Variants in PGAP1 observed in about 807,000 individuals in gnomAD.
PGAP1 encodes the protein GPI inositol-deacylase.
In PGAP1, 76 loss-of-function variants were observed where a neutral mutation model predicts 127.0. That is an observed-to-expected ratio of 0.60 (90% CI 0.50 to 0.72). The LOEUF (loss-of-function observed/expected upper bound fraction) is 0.72. Among genes scored for constraint, PGAP1 ranks in the 30% least tolerant of loss-of-function variants. The probability of loss-of-function intolerance (pLI) is 0.00; values close to 1 mark genes in which losing one functional copy is unlikely to be tolerated. For synonymous variants in PGAP1, 362 were observed against 366.5 expected, an observed-to-expected ratio of 0.99 and a Z score of 0.14; for missense variants, 982 against 1,071.3, an observed-to-expected ratio of 0.92 and a Z score of 1.16.
intron 4 of PGAP1, among the ~76,000 whole-genome samples, chr2:196,911,802 T>C (rs1376659078): frequency 1.3e-5 from 2 of 152,192 alleles, no homozygotes; most frequent in Admixed American, 1.3e-4. Flanking sequence ...TTAATTCTTA[T>C]TCTGTGACGT....
At chr2:196,904,321 C>T (rs955936991) in intron 4 of PGAP1, among the ~76,000 whole-genome samples, 1 of 152,170 alleles carries the variant, frequency 6.6e-6, no homozygotes, top group African/African-American at 2.4e-5. Flanking sequence ...TCTGTACTTT[C>T]AGCAGCGCTA....
intron 20 of PGAP1, among the ~76,000 whole-genome samples, chr2:196,864,308 T>C (rs530787611): frequency 2.2e-5 from 3 of 136,096 alleles, no homozygotes; most frequent in East Asian, 4.2e-4. Flanking sequence ...TAGAATCACA[T>C]GAACCAGGGA....
intron 13 of PGAP1, among the ~76,000 whole-genome samples, chr2:196,878,494 C>A (rs1701631998): frequency 6.6e-6 from 1 of 152,112 alleles, no homozygotes; most frequent in Admixed American, 6.6e-5. Flanking sequence ...CCCCACCTGT[C>A]AGAAAGTTTT....
At chr2:196,915,597 T>C (rs1206590365) in intron 3 of PGAP1, among the ~76,000 whole-genome samples, 1 of 152,170 alleles carries the variant, frequency 6.6e-6, no homozygotes, top group African/African-American at 2.4e-5. Context: ...CACTTTGCCC[T>C]TCCATATCTG....
rs1700198973 is a variant in PGAP1, at chr2:196,834,941, T to A, written c.*6293A>T. Reference sequence around the variant, plus strand: ...ACTAAATCAAGGCCAGAGATTTCGATATTTGGCTTTCTGTCCTGCCTCCTT... The same window carrying A: ...ACTAAATCAAGGCCAGAGATTTCGAAATTTGGCTTTCTGTCCTGCCTCCTT... On this transcript the variant is annotated 3_prime_UTR_variant, in exon 27 of 27. Transcript: ENST00000354764. The A allele has an allele frequency of 1.3e-5, 2 of 152,018 alleles. No individual in the cohort carries two copies. Among genetic ancestry groups the A allele is most frequent in the Non-Finnish European group, 2.9e-5 (2 of 67,874 alleles). 9.4% of individuals were successfully genotyped at this position (152,018 alleles called of 1,614,324 possible). A position where few individuals can be genotyped will look rare whatever the true frequency, so the allele number is the denominator to read the frequency against.
intron 20 of PGAP1, among the ~76,000 whole-genome samples, chr2:196,860,145 G>GT (rs375283807): frequency 2.3e-4 from 34 of 150,656 alleles, no homozygotes; most frequent in East Asian, 1.5e-3. Context: ...TGTTAGAATT[G>GT]TTTTTTTTTG....
At position 196,919,389 on chromosome 2, in the gene PGAP1, T is replaced by G. The variant is rs138622482; in HGVS notation, c.301+608A>C. On this transcript the variant is annotated intron_variant, in intron 2 of 26. Transcript: ENST00000354764. ...TTGAAACAATTCTAGTCTCATTACATAACAATTCTAGTCCATCAAATAACA... is the reference window on the plus strand; with the variant it reads ...TTGAAACAATTCTAGTCTCATTACAGAACAATTCTAGTCCATCAAATAACA... 1.1e-3 allele frequency among the ~76,000 whole-genome samples: 164 copies of G among 152,314 alleles called. No homozygotes were observed. The East Asian group carries it at 0.019, about 18-fold the overall frequency.
intron 20 of PGAP1, among the ~76,000 whole-genome samples, chr2:196,851,357 C>T (rs77835181): frequency 0.038 from 5,813 of 152,232 alleles, 156 homozygotes; most frequent in Middle Eastern, 0.065. Context: ...CCAGCAACTA[C>T]TTGTCCAACC....
intron 19 of PGAP1, among the ~76,000 whole-genome samples, chr2:196,865,612 G>A (rs1309504007): frequency 1.3e-5 from 2 of 152,100 alleles, no homozygotes; most frequent in East Asian, 1.9e-4. Flanking sequence ...ATTTGTGTAA[G>A]GCATTCAGAA....
chr2:196,846,467 A>T (rs1362035064), intron 22 of PGAP1, among the ~76,000 whole-genome samples: 1 of 152,156 alleles, frequency 6.6e-6, no homozygotes, highest in Non-Finnish European at 1.5e-5. Flanking sequence ...CCTCTGTGAC[A>T]GGAAATCACA....
Position 196,838,395 on chromosome 2 carries a change from CTG to C in PGAP1, c.*2837_*2838del, listed in dbSNP as rs1178643138. On this transcript the variant is annotated 3_prime_UTR_variant, in exon 27 of 27. Transcript: ENST00000354764. ...ATATAGATTGTGGGCATGATGAAAA[CTG>C]TGTAATTTAAAGGCAAAGAACTTTC... 6.6e-6 allele frequency: 1 copy of C among 152,128 alleles called. No homozygotes were observed. The highest frequency in any genetic ancestry group is 1.5e-5 in the Non-Finnish European group (1 of 68,024). The allele number at this position is 152,128 out of a possible 1,614,324, so 9.4% of individuals were successfully genotyped here. A position where few individuals can be genotyped will look rare whatever the true frequency, so the allele number is the denominator to read the frequency against.
chr2:196,881,213 T>C (rs1254513958), intron 12 of PGAP1, among the ~76,000 whole-genome samples: 1 of 152,236 alleles, frequency 6.6e-6, no homozygotes. Context: ...TTCTTTTTTA[T>C]GGCTGCATAG....
intron 20 of PGAP1, among the ~76,000 whole-genome samples, chr2:196,853,380 T>A (rs1415925429): frequency 6.6e-6 from 1 of 152,262 alleles, no homozygotes; most frequent in Non-Finnish European, 1.5e-5. Flanking sequence ...ACATCTCAAT[T>A]GTTCCATGTA....
intron 12 of PGAP1, 124 bp from the exon 13 acceptor site, chr2:196,880,277 T>C: frequency 1.7e-6 from 1 of 580,364 alleles, no homozygotes; most frequent in South Asian, 2.2e-5. Context: ...CAATTTATGT[T>C]CAGTACTTCA....
chr2:196,879,515 C>CA (rs1576143537), intron 13 of PGAP1, among the ~76,000 whole-genome samples: 1 of 152,098 alleles, frequency 6.6e-6, no homozygotes, highest in East Asian at 1.9e-4. Context: ...GCCAGCATGG[C>CA]AAAATCCCAT....
intron 2 of PGAP1, among the ~76,000 whole-genome samples, chr2:196,917,584 T>C (rs1576202675): frequency 6.6e-6 from 1 of 152,196 alleles, no homozygotes; most frequent in African/African-American, 2.4e-5. Context: ...ATTTTGGATA[T>C]CTCATATAAT....
Position 196,852,038 on chromosome 2 carries a change from C to T in PGAP1, c.1862-4001G>A, listed in dbSNP as rs181924179. On this transcript the variant is annotated intron_variant, in intron 20 of 26. Transcript: ENST00000354764. ...AAATTTTGTTCCACAGCCTTAATTA[C>T]ATATAGGGGCCCAATTTTGTCAGAA... Among the ~76,000 whole-genome samples, 505 of 152,264 alleles carry T rather than the reference C, an allele frequency of 3.3e-3. 1 individual carries two copies. The highest frequency in any genetic ancestry group is 0.014 in the Middle Eastern group (4 of 294).
intron 1 of PGAP1, chr2:196,922,615 CA>C: frequency 1.4e-6 from 1 of 714,188 alleles, no homozygotes; most frequent in Non-Finnish European, 1.7e-6. Context: ...CACACACACA[CA>C]ACAAAGCTTA....
At chr2:196,867,771 A>G (rs547159494) in intron 19 of PGAP1, among the ~76,000 whole-genome samples, 9 of 152,206 alleles carry the variant, frequency 5.9e-5, no homozygotes, top group Admixed American at 4.6e-4. Flanking sequence ...CAAGCTTACT[A>G]TAAAAGTTGC....
Sources: gnomAD v4.1 joint callset for allele counts (sites outside exome capture counted in the v4.1 genomes callset) on GRCh38, gnomAD v4.1.1 for gene constraint, MANE v1.5 for transcripts, NCBI Gene and HGNC (gene_info 2026-07-23, HGNC 2026-07-21) for gene names.